Variants in TNRC6A observed in about 807,000 individuals in gnomAD.
TNRC6A encodes trinucleotide repeat containing adaptor 6A.
Under a neutral mutation model 221.2 loss-of-function variants are expected in TNRC6A, and 44 were observed. The observed-to-expected ratio is 0.20, with a 90% CI of 0.16 to 0.26. The LOEUF (loss-of-function observed/expected upper bound fraction) is 0.26. Among genes scored for constraint, TNRC6A ranks in the 10% least tolerant of loss-of-function variants. The pLI is 1.00. For synonymous variants in TNRC6A, 847 were observed against 838.5 expected, an observed-to-expected ratio of 1.01 and a Z score of -0.18; for missense variants, 2,199 against 2,404.4, an observed-to-expected ratio of 0.91 and a Z score of 1.79.
At chr16:24,783,400 A>T (rs1347385733) in intron 5 of TNRC6A, among the ~76,000 whole-genome samples, 1 of 152,144 alleles carries the variant, frequency 6.6e-6, no homozygotes, top group African/African-American at 2.4e-5. Flanking sequence ...AAGTGCTGGG[A>T]TTACAGGCAT....
At chr16:24,784,697 A>G (rs1258746965) in intron 5 of TNRC6A, among the ~76,000 whole-genome samples, 1 of 152,210 alleles carries the variant, frequency 6.6e-6, no homozygotes, top group Non-Finnish European at 1.5e-5. Context: ...CCCAATTTTT[A>G]AAATAATCTT....
At chr16:24,722,092 A>C (rs2056419563) in intron 2 of TNRC6A, among the ~76,000 whole-genome samples, 1 of 152,168 alleles carries the variant, frequency 6.6e-6, no homozygotes. Context: ...TAGTCGCTAC[A>C]TGGGCATATT....
intron 2 of TNRC6A, among the ~76,000 whole-genome samples, chr16:24,647,182 T>C (rs1902338739): frequency 6.6e-6 from 1 of 152,194 alleles, no homozygotes; most frequent in Non-Finnish European, 1.5e-5. Context: ...TCTGCCCACC[T>C]TGGCCTCCCA....
In TNRC6A at chr16:24,822,996, A is replaced by T. The variant is rs1211368972; in HGVS notation, c.5496A>T (p.Ala1832=). ...RYSSKEEVVK[A]QKSLHMCVLG... ...GTTCAAAAGAAGAGGTAGTGAAGGC[A>T]CAAAAGTCTCTGCACATGTAAGTTG... The change falls in exon 24 of 25, where the codon GCA becomes GCT. Residue 1832 remains alanine (A), a synonymous_variant. Transcript: ENST00000395799. 6.2e-7 allele frequency: 1 copy of T among 1,614,250 alleles called. No individual in the cohort carries two copies.
chr16:24,618,867 T>A (rs577104547), intron 1 of TNRC6A, among the ~76,000 whole-genome samples: 1 of 152,132 alleles, frequency 6.6e-6, no homozygotes, highest in Non-Finnish European at 1.5e-5. Context: ...GGGCCTCAAG[T>A]GATCCACCCA....
Position 24,790,182 on chromosome 16 carries a change from A to G in TNRC6A, c.1540A>G (p.Ser514Gly). 2 of 1,614,246 alleles carry G rather than the reference A, an allele frequency of 1.2e-6. No homozygotes were observed. Among genetic ancestry groups the G allele is most frequent in the South Asian group, 2.2e-5 (2 of 91,084 alleles). Reference sequence around the variant, plus strand: ...TCACCTTAGCAATGGAGAGTCAAAAAGTGGAGGCTCTTATGGTACTACATG... The same window carrying G: ...TCACCTTAGCAATGGAGAGTCAAAAGGTGGAGGCTCTTATGGTACTACATG... ...LSHLSNGESK[S>G]GGSYGTTWGA... The change falls in exon 6 of 25, where the codon AGT (serine) becomes GGT (glycine). Residue 514 changes from serine to glycine, a missense_variant. This residue lies in a region of TNRC6A where 1,405 missense variants were observed against 1,400.2 expected (regional missense o/e 1.00). Transcript: ENST00000395799.
chr16:24,643,112 TATATATATATAAA>T (rs75312357), intron 2 of TNRC6A, among the ~76,000 whole-genome samples: 1 of 131,666 alleles, frequency 7.6e-6, no homozygotes, highest in East Asian at 2.1e-4. Flanking sequence ...ATATATAAAA[TATATATATATAAA>T]ATATATATAT....
chr16:24,688,033 C>T (rs569474056), intron 2 of TNRC6A, among the ~76,000 whole-genome samples: 13 of 150,068 alleles, frequency 8.7e-5, no homozygotes, highest in East Asian at 3.9e-4. Flanking sequence ...CCTGGGTTCA[C>T]GCCATTCTCC....
At chr16:24,626,735 C>T (rs1901021826) in intron 1 of TNRC6A, among the ~76,000 whole-genome samples, 1 of 150,792 alleles carries the variant, frequency 6.6e-6, no homozygotes, top group African/African-American at 2.4e-5. Context: ...CTGCAAGCTC[C>T]GCCTCCCGGG....
At chr16:24,708,958 G>C (rs753844411) in intron 2 of TNRC6A, among the ~76,000 whole-genome samples, 2 of 152,040 alleles carry the variant, frequency 1.3e-5, no homozygotes, top group East Asian at 1.9e-4. Flanking sequence ...TGCCATAAAC[G>C]TAAGTGTGCA....
At chr16:24,650,416 G>A (rs1040686128) in intron 2 of TNRC6A, among the ~76,000 whole-genome samples, 9 of 152,130 alleles carry the variant, frequency 5.9e-5, no homozygotes, top group African/African-American at 2.2e-4. Context: ...TGTAATCCCA[G>A]CACTTTGGGA....
chr16:24,791,965 C>T, intron 6 of TNRC6A, 148 bp downstream of exon 6: 2 of 813,634 alleles, frequency 2.5e-6, no homozygotes, highest in Non-Finnish European at 3.6e-6. Flanking sequence ...TGATGTTTAC[C>T]ACCAGAGAAC....
intron 2 of TNRC6A, among the ~76,000 whole-genome samples, chr16:24,687,845 A>AAGAAGAAGAAGG (rs1269751379): frequency 6.8e-6 from 1 of 146,208 alleles, no homozygotes; most frequent in African/African-American, 2.5e-5. Flanking sequence ...GAGGAAGAGG[A>AAGAAGAAGAAGG]AGAAGAAGAA....
chr16:24,792,459 G>A (rs1227334429), intron 6 of TNRC6A, among the ~76,000 whole-genome samples: 2 of 151,580 alleles, frequency 1.3e-5, no homozygotes, highest in African/African-American at 4.8e-5. Flanking sequence ...GGATATGGGA[G>A]TGCTTTCATG....
At chr16:24,683,826 T>C (rs2055577778) in intron 2 of TNRC6A, among the ~76,000 whole-genome samples, 1 of 152,152 alleles carries the variant, frequency 6.6e-6, no homozygotes, top group Admixed American at 6.6e-5. Flanking sequence ...CTAGCAGGTA[T>C]AAAGGTATTA....
intron 4 of TNRC6A, among the ~76,000 whole-genome samples, chr16:24,766,052 GA>G (rs377127123): frequency 9.9e-5 from 15 of 152,008 alleles, no homozygotes; most frequent in East Asian, 1.9e-4. Flanking sequence ...AAGTAGATAT[GA>G]AAAAAACATT....
intron 2 of TNRC6A, among the ~76,000 whole-genome samples, chr16:24,675,332 T>G (rs2055386807): frequency 6.6e-6 from 1 of 152,102 alleles, no homozygotes; most frequent in African/African-American, 2.4e-5. Flanking sequence ...AGTACGTGCC[T>G]GAATTTCCTA....
chr16:24,777,836 C>T (rs965386672), intron 5 of TNRC6A, among the ~76,000 whole-genome samples: 1 of 152,138 alleles, frequency 6.6e-6, no homozygotes, highest in African/African-American at 2.4e-5. Context: ...AAATTATATT[C>T]AAACAGAGGA....
At chr16:24,664,017 G>A (rs1285979484) in intron 2 of TNRC6A, 1 of 448,612 alleles carries the variant, frequency 2.2e-6, no homozygotes, top group African/African-American at 2.0e-5. Flanking sequence ...GTAGTGAACA[G>A]AAGAGAAGGG....
Sources: allele counts gnomAD v4.1 joint callset (sites outside exome capture counted in the v4.1 genomes callset), GRCh38; gene constraint gnomAD v4.1.1; regional missense constraint gnomAD v4.1.1; transcripts MANE v1.5; gene names NCBI Gene and HGNC (gene_info 2026-07-23, HGNC 2026-07-21).